FBN1: variants seen among roughly 807,000 people sequenced by gnomAD.
FBN1 encodes fibrillin 1.
FBN1 carries 29 observed loss-of-function variants against 365.1 expected under a neutral mutation model. The ratio of observed to expected loss-of-function variants is 0.08; its 90% CI spans 0.06 to 0.11. The LOEUF (loss-of-function observed/expected upper bound fraction) is 0.11, where lower values mean the gene tolerates loss of function less well. Ranked by LOEUF, FBN1 falls within the 10% of genes least tolerant of loss-of-function variation. FBN1 has a pLI of 1.00. For missense variants in FBN1, 2,476 were observed against 3,703.2 expected (o/e 0.67, Z 8.60); for synonymous variants, 1,210 against 1,270.5 (o/e 0.95, Z 1.01).
At chr15:48,505,740 C>T (rs922672840) in intron 15 of FBN1, among the ~76,000 whole-genome samples, 1 of 152,144 alleles carries the variant, frequency 6.6e-6, no homozygotes, top group Non-Finnish European at 1.5e-5. Flanking sequence ...CAGTTGGAAC[C>T]CAGCAAAGAA....
chr15:48,575,881 C>T lies in FBN1; in HGVS notation c.538+20402G>A, dbSNP rs573253136. 7.3e-5 allele frequency among the ~76,000 whole-genome samples: 11 copies of T among 150,762 alleles called. No homozygotes were observed. In the South Asian group the frequency reaches 1.3e-3, roughly 17 times the overall value. On this transcript the variant is annotated intron_variant, in intron 6 of 65. Transcript: ENST00000316623. ...ACTCTGCCATAAAAAAGAATAAAATCATGTTTTTTGCAGCATCATGGTTAG... is the reference window on the plus strand; with the variant it reads ...ACTCTGCCATAAAAAAGAATAAAATTATGTTTTTTGCAGCATCATGGTTAG...
At chr15:48,464,139 T>C (rs2043302254) in intron 40 of FBN1, 118 bp from the exon 41 acceptor site, 2 of 929,090 alleles carry the variant, frequency 2.2e-6, no homozygotes, top group Non-Finnish European at 3.4e-6. Flanking sequence ...TCAAATAAGA[T>C]AACGAAAATA....
At chr15:48,644,529 GGA>G in intron 2 of FBN1, 75 bp downstream of exon 2, 1 of 1,602,316 alleles carries the variant, frequency 6.2e-7, no homozygotes, top group Admixed American at 1.7e-5. Context: ...TCTTCCACAG[GGA>G]GAGTCATCCT....
rs187409657 is a variant in FBN1, at chr15:48,593,194, T to C, written c.538+3089A>G. ...GATTAAGATTGACTTATTGGCTTAA[T>C]GTGATACAAATCCTGCCAGTATGAC... On this transcript the variant is annotated intron_variant, in intron 6 of 65. Coordinates refer to ENST00000316623, the MANE Select transcript of FBN1 (RefSeq NM_000138.5). 1.2e-4 allele frequency among the ~76,000 whole-genome samples: 19 copies of C among 152,322 alleles called. No individual in the cohort carries two copies. In the East Asian group the frequency reaches 3.3e-3, roughly 26 times the overall value.
intron 6 of FBN1, among the ~76,000 whole-genome samples, chr15:48,589,168 A>T (rs1354995631): frequency 6.6e-6 from 1 of 152,180 alleles, no homozygotes; most frequent in Non-Finnish European, 1.5e-5. Flanking sequence ...ATGCCCAGCG[A>T]CTGAGGAAGA....
intron 7 of FBN1, among the ~76,000 whole-genome samples, chr15:48,535,431 G>A (rs1295367007): frequency 2.0e-5 from 3 of 152,118 alleles, no homozygotes; most frequent in Non-Finnish European, 4.4e-5. Context: ...AACCTTCCAG[G>A]AGCAAAATTA....
intron 44 of FBN1, among the ~76,000 whole-genome samples, chr15:48,454,008 T>C (rs1460487840): frequency 5.3e-5 from 8 of 152,206 alleles, no homozygotes; most frequent in Admixed American, 5.2e-4. Flanking sequence ...GACATGGGTA[T>C]AGATTAATAT....
chr15:48,536,812 C>T (rs1014881284), intron 7 of FBN1, among the ~76,000 whole-genome samples: 17 of 152,312 alleles, frequency 1.1e-4, no homozygotes, highest in South Asian at 4.1e-4. Flanking sequence ...TACAAAACAA[C>T]GCCAAAGTAT....
chr15:48,510,176 T>A lies in FBN1; in HGVS notation c.1589-7A>T, dbSNP rs1467162544. 2 of 1,612,796 alleles carry A rather than the reference T, an allele frequency of 1.2e-6. No individual in the cohort carries two copies. The highest frequency in any genetic ancestry group is 1.7e-6 in the Non-Finnish European group (2 of 1,179,070). On this transcript the variant is annotated splice_region_variant and splice_polypyrimidine_tract_variant and intron_variant, in intron 13 of 65. Transcript: ENST00000316623. Reference sequence around the variant, plus strand: ...TGTAAACACTCATCAATGTCTAAAATCAAAGTTTAAAAAGAAGAAATAGCT... The same window carrying A: ...TGTAAACACTCATCAATGTCTAAAAACAAAGTTTAAAAAGAAGAAATAGCT...
chr15:48,645,321 G>C (rs559350405), intron 1 of FBN1, among the ~76,000 whole-genome samples: 14 of 152,330 alleles, frequency 9.2e-5, no homozygotes, highest in Non-Finnish European at 2.1e-4. Flanking sequence ...CTGGAAGCCA[G>C]CCGCGCCGTC....
chr15:48,469,643 C>T (rs1296667518), intron 36 of FBN1, among the ~76,000 whole-genome samples: 2 of 151,974 alleles, frequency 1.3e-5, no homozygotes, highest in Admixed American at 1.3e-4. Context: ...CTGCGGGTTG[C>T]GCTGCAGATG....
rs781641370 is a variant in FBN1, at chr15:48,470,722, G to A, written c.4371C>T (p.Val1457=). ...CAGGGAGGTTGTGGCAAGTTCCAAA[G>A]ACACAGATGTTCGGAAGGGAGCACT... is the stretch of plus-strand genomic sequence containing the variant. ...IDECSLPNIC[V]FGTCHNLPGL... is the part of the protein sequence containing the mutation. The change falls in exon 36 of 66, where the codon GTC becomes GTT. Residue 1457 remains valine, a synonymous_variant. Coordinates refer to ENST00000316623, the MANE Select transcript of FBN1 (RefSeq NM_000138.5). 6.8e-6 allele frequency: 11 copies of A among 1,613,880 alleles called. No homozygotes were observed. In the African/African-American group the frequency reaches 1.2e-4, roughly 18 times the overall value.
Position 48,534,256 on chromosome 15 carries a change from C to A in FBN1, c.737-51G>T, listed in dbSNP as rs1339753933. ...AAAAAAAAAAAACTCATATGAAATT[C>A]ATTGCAGAATAAAATGTGATAATTT... On this transcript the variant is annotated intron_variant, in intron 7 of 65. Coordinates refer to ENST00000316623, the MANE Select transcript of FBN1 (RefSeq NM_000138.5). 1.9e-6 allele frequency: 3 copies of A among 1,565,460 alleles called. No individual in the cohort carries two copies. In the South Asian group the frequency reaches 3.5e-5, roughly 18 times the overall value.
chr15:48,638,232 TCAATC>T (rs989555944), intron 2 of FBN1, among the ~76,000 whole-genome samples: 2 of 152,102 alleles, frequency 1.3e-5, no homozygotes, highest in African/African-American at 4.8e-5. Context: ...TCACTTCTGA[TCAATC>T]CCATTCCCAC....
intron 15 of FBN1, among the ~76,000 whole-genome samples, chr15:48,508,173 C>T (rs1348527329): frequency 1.3e-5 from 2 of 152,150 alleles, no homozygotes; most frequent in Non-Finnish European, 2.9e-5. Context: ...TAACAGTCTA[C>T]ACTATTCTGT....
At chr15:48,569,877 T>C (rs1331714524) in intron 6 of FBN1, among the ~76,000 whole-genome samples, 2 of 152,144 alleles carry the variant, frequency 1.3e-5, no homozygotes, top group Admixed American at 6.5e-5. Context: ...GTGGTAATGG[T>C]TGCATAACTC....
intron 43 of FBN1, 109 bp from the exon 44 acceptor site, chr15:48,456,871 T>TGTGTGTGTGTGC (rs749897052): frequency 5.4e-5 from 58 of 1,083,634 alleles, no homozygotes; most frequent in African/African-American, 3.7e-4. Context: ...TGTGTGTGTG[T>TGTGTGTGTGTGC]GCGTGCATGT....
At chr15:48,490,746 A>T (rs1249468461) in intron 24 of FBN1, among the ~76,000 whole-genome samples, 2 of 152,240 alleles carry the variant, frequency 1.3e-5, no homozygotes. Context: ...AGCAGAGCAG[A>T]GGTCAGAAGA....
At position 48,536,483 on chromosome 15, in the gene FBN1, C is replaced by A. The variant is rs1200493323; in HGVS notation, c.736+1128G>T. 2.0e-5 allele frequency among the ~76,000 whole-genome samples: 3 copies of A among 152,098 alleles called. No homozygotes were observed. In the East Asian group the frequency reaches 5.8e-4, roughly 29 times the overall value. On this transcript the variant is annotated intron_variant, in intron 7 of 65. Coordinates refer to ENST00000316623, the MANE Select transcript of FBN1 (RefSeq NM_000138.5). ...GCTAACTTTGTAATCCCAAGATGAA[C>A]AAATTCTTCAAAACTCACTGGGATT...
Sources: allele counts gnomAD v4.1 joint callset (sites outside exome capture counted in the v4.1 genomes callset), GRCh38; gene constraint gnomAD v4.1.1; transcripts MANE v1.5; gene names NCBI Gene and HGNC (gene_info 2026-07-23, HGNC 2026-07-21).